Variants in MREG observed in about 807,000 individuals in gnomAD.
The protein encoded by MREG is melanoregulin.
In MREG, 31 loss-of-function variants were observed where a neutral mutation model predicts 28.5. That is an observed-to-expected ratio of 1.09 (90% CI 0.82 to 1.47). The LOEUF is 1.47. Among genes scored for constraint, MREG ranks in the 40% most tolerant of loss-of-function variants. MREG has a pLI of 0.00. For missense variants in MREG, 256 were observed against 257.4 expected (o/e 0.99, Z 0.04); for synonymous variants, 106 against 95.2 (o/e 1.11, Z -0.66).
chr2:216,019,256 C>T (rs530733523), intron 1 of MREG, among the ~76,000 whole-genome samples: 24 of 152,190 alleles, frequency 1.6e-4, no homozygotes, highest in African/African-American at 5.5e-4. Flanking sequence ...CCCATATAGT[C>T]CCCTGAACTG....
At chr2:216,010,354 C>A (rs375329113) in intron 1 of MREG, among the ~76,000 whole-genome samples, 3 of 94,368 alleles carry the variant, frequency 3.2e-5, no homozygotes, top group Admixed American at 1.4e-4. Flanking sequence ...AAAGATTTCT[C>A]TTTTTTTTTT....
At chr2:216,007,886 T>G (rs1574650926) in intron 1 of MREG, among the ~76,000 whole-genome samples, 1 of 152,144 alleles carries the variant, frequency 6.6e-6, no homozygotes, top group Non-Finnish European at 1.5e-5. Context: ...AGTTCAATGT[T>G]GATAGAGCAA....
At chr2:215,948,616 C>T (rs1374815753) in intron 2 of MREG, among the ~76,000 whole-genome samples, 1 of 152,186 alleles carries the variant, frequency 6.6e-6, no homozygotes, top group Non-Finnish European at 1.5e-5. Flanking sequence ...CTGCTGTCTT[C>T]ATTGGAAGGG....
At chr2:215,989,831 A>T (rs1014849356) in intron 2 of MREG, among the ~76,000 whole-genome samples, 2 of 152,016 alleles carry the variant, frequency 1.3e-5, no homozygotes, top group Admixed American at 1.3e-4. Context: ...TAAAGCATGA[A>T]GACAAGATTA....
chr2:216,013,146 A>G lies in MREG; in HGVS notation c.95+87T>C, dbSNP rs74837438. ...CCCTTCCAGCAAGCCCACCTCCCCA[A>G]CTCACACAAGCACACAGGTGTCCAC... On this transcript the variant is annotated intron_variant, in intron 1 of 4. Transcript: ENST00000263268. The G allele has an allele frequency of 4.2e-3, 5,092 of 1,209,820 alleles. 103 individuals carry two copies. In the African/African-American group the frequency reaches 0.055, roughly 13 times the overall value. The allele number at this position is 1,209,820 out of a possible 1,614,324, so 74.9% of individuals were successfully genotyped here. A position where few individuals can be genotyped will look rare whatever the true frequency, so the allele number is the denominator to read the frequency against.
chr2:216,020,149 C>T (rs1694500732), intron 1 of MREG, among the ~76,000 whole-genome samples: 1 of 152,134 alleles, frequency 6.6e-6, no homozygotes, highest in Non-Finnish European at 1.5e-5. Flanking sequence ...TGTCCAACAC[C>T]TTTTTGTATA....
downstream of MREG, among the ~76,000 whole-genome samples, chr2:215,941,119 G>GAATTTAATTTAATTTATTATTAAATTAT (rs1692192095): frequency 6.6e-6 from 1 of 152,074 alleles, no homozygotes; most frequent in Non-Finnish European, 1.5e-5. Flanking sequence ...TGAATTAAAT[G>GAATTTAATTTAATTTATTATTAAATTAT]GAATTATGAT....
chr2:215,965,769 C>G (rs1313487700), intron 2 of MREG, among the ~76,000 whole-genome samples: 1 of 152,114 alleles, frequency 6.6e-6, no homozygotes, highest in African/African-American at 2.4e-5. Flanking sequence ...AGCAGCAGGG[C>G]TGTGATCCAT....
chr2:215,941,901 G>A (rs1692202002), downstream of MREG, among the ~76,000 whole-genome samples: 1 of 152,076 alleles, frequency 6.6e-6, no homozygotes, highest in South Asian at 2.1e-4. Flanking sequence ...CTGCCATTGG[G>A]CCTCTGTTCT....
upstream of MREG, among the ~76,000 whole-genome samples, chr2:216,015,892 C>T (rs1451915977): frequency 6.6e-6 from 1 of 151,992 alleles, no homozygotes; most frequent in Non-Finnish European, 1.5e-5. Flanking sequence ...TGGGAGGAGC[C>T]GGTTTGGAGG....
chr2:215,979,468 A>C (rs1242313247), intron 2 of MREG, among the ~76,000 whole-genome samples: 13 of 14,976 alleles, frequency 8.7e-4, no homozygotes, highest in Non-Finnish European at 1.7e-3. Flanking sequence ...CATCTCAAAA[A>C]ATAATAATAA....
intron 1 of MREG, among the ~76,000 whole-genome samples, chr2:216,009,889 C>G (rs1183031395): frequency 6.6e-6 from 1 of 152,072 alleles, no homozygotes; most frequent in Admixed American, 6.5e-5. Context: ...TGGAAGAAAG[C>G]CATGCTGCAA....
At chr2:215,941,158 C>A (rs1159327777), downstream of MREG, among the ~76,000 whole-genome samples, 9 of 152,296 alleles carry the variant, frequency 5.9e-5, no homozygotes, top group East Asian at 1.7e-3. Flanking sequence ...TTCCACATGG[C>A]TTTCCCTTTA....
chr2:215,949,346 G>A (rs1692423387), intron 2 of MREG, among the ~76,000 whole-genome samples: 1 of 151,526 alleles, frequency 6.6e-6, no homozygotes. Context: ...GATCACTTGA[G>A]GTCAGGAGTT....
intron 1 of MREG, among the ~76,000 whole-genome samples, chr2:216,005,142 G>C: frequency 6.6e-6 from 1 of 152,116 alleles, no homozygotes; most frequent in East Asian, 1.9e-4. Context: ...AGTCCACCAA[G>C]AGTAGAATAG....
chr2:215,958,125 A>G (rs1692679038), intron 2 of MREG, among the ~76,000 whole-genome samples: 1 of 136,314 alleles, frequency 7.3e-6, no homozygotes, highest in Admixed American at 7.4e-5. Context: ...GGGAGGGGGG[A>G]GGGATAGCAT....
chr2:216,032,495 A>T (rs1694724952), intron 1 of MREG, among the ~76,000 whole-genome samples: 1 of 152,214 alleles, frequency 6.6e-6, no homozygotes, highest in Non-Finnish European at 1.5e-5. Context: ...GGTAATGCTA[A>T]CCCAGCATGG....
upstream of MREG, among the ~76,000 whole-genome samples, chr2:216,014,306 T>G (rs1559199721): frequency 6.6e-6 from 1 of 152,166 alleles, no homozygotes; most frequent in Non-Finnish European, 1.5e-5. Context: ...ATTAAGATAA[T>G]GCTGCAGTGA....
chr2:216,027,201 T>C (rs1353292171), intron 1 of MREG, among the ~76,000 whole-genome samples: 1 of 152,232 alleles, frequency 6.6e-6, no homozygotes, highest in East Asian at 1.9e-4. Context: ...AGGAATATTT[T>C]GCTGTAATAC....
Sources: gnomAD v4.1 joint callset for allele counts (sites outside exome capture counted in the v4.1 genomes callset) on GRCh38, gnomAD v4.1.1 for gene constraint, MANE v1.5 for transcripts, NCBI Gene and HGNC (gene_info 2026-07-23, HGNC 2026-07-21) for gene names.